Variants in CSMD1 observed in about 807,000 individuals in gnomAD.
The protein encoded by CSMD1 is CUB and sushi domain-containing protein 1.
Under a neutral mutation model 417.5 loss-of-function variants are expected in CSMD1, and 213 were observed. The ratio of observed to expected loss-of-function variants is 0.51; its 90% confidence interval spans 0.46 to 0.57. CSMD1 has a LOEUF of 0.57. Ranked by LOEUF, CSMD1 falls within the 20% of genes least tolerant of loss-of-function variation. The pLI is 0.00. For missense variants in CSMD1, 6,923 were observed against 4,529.7 expected, an observed-to-expected ratio of 1.53 and a Z score of -15.17; for synonymous variants, 2,862 against 1,736.8, an observed-to-expected ratio of 1.65 and a Z score of -16.11.
At chr8:4,912,652 G>C (rs1805772696) in intron 1 of CSMD1, among the ~76,000 whole-genome samples, 1 of 152,120 alleles carries the variant, frequency 6.6e-6, no homozygotes, top group African/African-American at 2.4e-5. Context: ...TGACATGTAG[G>C]TCAGGAACCA....
chr8:4,454,736 A>G (rs1488817155), intron 2 of CSMD1, among the ~76,000 whole-genome samples: 3 of 152,330 alleles, frequency 2.0e-5, no homozygotes, highest in South Asian at 2.1e-4. Context: ...GGATAAAACT[A>G]TACTCGTTTA....
chr8:3,919,979 G>A (rs1809114471), intron 5 of CSMD1, among the ~76,000 whole-genome samples: 1 of 151,210 alleles, frequency 6.6e-6, no homozygotes, highest in South Asian at 2.1e-4. Flanking sequence ...TGTGTAATCT[G>A]TGAATATACC....
intron 30 of CSMD1, among the ~76,000 whole-genome samples, chr8:3,210,293 G>T (rs1432018592): frequency 6.6e-6 from 1 of 152,006 alleles, no homozygotes; most frequent in East Asian, 1.9e-4. Flanking sequence ...CCTCCATTTG[G>T]GGAAATCAGT....
intron 37 of CSMD1, among the ~76,000 whole-genome samples, chr8:3,180,807 TA>T (rs1032523249): frequency 1.3e-5 from 2 of 151,804 alleles, no homozygotes; most frequent in African/African-American, 4.8e-5. Context: ...TTTTTTTTTG[TA>T]TTATTATTAT....
intron 3 of CSMD1, among the ~76,000 whole-genome samples, chr8:4,047,691 T>A (rs1347509523): frequency 6.6e-6 from 1 of 152,048 alleles, no homozygotes; most frequent in Non-Finnish European, 1.5e-5. Context: ...ATTAAAAAAA[T>A]AAAATTTGTA....
Position 3,553,707 on chromosome 8 carries a change from A to G in CSMD1, c.1344+21238T>C, listed in dbSNP as rs371009142. ...AATTTTAGTAGGTCCATAGTTACAA[A>G]TATTCTGAAGACATTAAAATATGTG... On this transcript the variant is annotated intron_variant, in intron 10 of 69. Transcript: ENST00000635120. 1.2e-4 allele frequency among the ~76,000 whole-genome samples: 19 copies of G among 152,368 alleles called. No homozygotes were observed. In the East Asian group the frequency reaches 2.7e-3, roughly 22 times the overall value.
intron 26 of CSMD1, among the ~76,000 whole-genome samples, chr8:3,240,401 T>C (rs1397955122): frequency 6.9e-6 from 1 of 144,598 alleles, no homozygotes; most frequent in Non-Finnish European, 1.5e-5. Flanking sequence ...AAGTCGAAAG[T>C]ATCCAACCAT....
chr8:3,018,382 G>A, intron 52 of CSMD1, 95 bp downstream of exon 52: 1 of 1,134,092 alleles, frequency 8.8e-7, no homozygotes, highest in East Asian at 2.5e-5. Context: ...TAGGATTTAA[G>A]GCATTATAGC....
At chr8:3,823,980 T>C (rs1801895842) in intron 5 of CSMD1, among the ~76,000 whole-genome samples, 1 of 152,220 alleles carries the variant, frequency 6.6e-6, no homozygotes, top group East Asian at 1.9e-4. Flanking sequence ...CAAATAGTTC[T>C]GAAACCTAAT....
At chr8:3,845,401 T>C (rs1461422535) in intron 5 of CSMD1, among the ~76,000 whole-genome samples, 1 of 152,160 alleles carries the variant, frequency 6.6e-6, no homozygotes, top group Admixed American at 6.5e-5. Flanking sequence ...CTGAAGGCAA[T>C]GGTTACACAG....
chr8:4,862,198 A>G (rs759575981), intron 1 of CSMD1, among the ~76,000 whole-genome samples: 8 of 152,010 alleles, frequency 5.3e-5, no homozygotes, highest in Non-Finnish European at 7.4e-5. Flanking sequence ...TTGAACCTCA[A>G]CGAGGCCTGG....
At chr8:3,345,446 G>C (rs1807927504) in intron 22 of CSMD1, among the ~76,000 whole-genome samples, 1 of 152,022 alleles carries the variant, frequency 6.6e-6, no homozygotes, top group African/African-American at 2.4e-5. Context: ...TCCCCTGTCA[G>C]TTCTCTAAAG....
chr8:3,675,243 C>T (rs1376892255), intron 7 of CSMD1, among the ~76,000 whole-genome samples: 1 of 152,168 alleles, frequency 6.6e-6, no homozygotes, highest in Non-Finnish European at 1.5e-5. Context: ...TGTTGGTCTT[C>T]ATTGACCTGG....
At chr8:3,917,187 G>A (rs1301290200) in intron 5 of CSMD1, among the ~76,000 whole-genome samples, 2 of 152,140 alleles carry the variant, frequency 1.3e-5, no homozygotes, top group African/African-American at 4.8e-5. Context: ...TTTATGGAGC[G>A]CTTAATCTCA....
At chr8:3,432,211 C>G (rs189025517) in intron 12 of CSMD1, among the ~76,000 whole-genome samples, 43 of 152,056 alleles carry the variant, frequency 2.8e-4, no homozygotes, top group Admixed American at 1.4e-3. Context: ...GGGTAGAGAA[C>G]TGAATATGAC....
At chr8:3,425,495 G>A (rs550381150) in intron 12 of CSMD1, among the ~76,000 whole-genome samples, 23 of 151,582 alleles carry the variant, frequency 1.5e-4, no homozygotes, top group African/African-American at 5.3e-4. Context: ...GGCTGAGGCA[G>A]GAGAACCGCT....
intron 1 of CSMD1, among the ~76,000 whole-genome samples, chr8:4,724,306 G>T (rs1315610976): frequency 5.9e-5 from 9 of 151,940 alleles, no homozygotes; most frequent in African/African-American, 1.9e-4. Flanking sequence ...TAAACATAGG[G>T]TTATCTATAT....
At chr8:4,340,782 G>GA (rs1447594928) in intron 3 of CSMD1, among the ~76,000 whole-genome samples, 1 of 152,012 alleles carries the variant, frequency 6.6e-6, no homozygotes, top group African/African-American at 2.4e-5. Context: ...AACTCATAAT[G>GA]GTTGCTTCTA....
intron 5 of CSMD1, among the ~76,000 whole-genome samples, chr8:3,926,140 G>C (rs1014710600): frequency 6.6e-5 from 8 of 121,150 alleles, no homozygotes; most frequent in African/African-American, 2.4e-4. Context: ...CACTTGTGGT[G>C]TGTATAGGTG....
Sources: allele counts gnomAD v4.1 joint callset (sites outside exome capture counted in the v4.1 genomes callset), GRCh38; gene constraint gnomAD v4.1.1; transcripts MANE v1.5; gene names NCBI Gene and HGNC (gene_info 2026-07-23, HGNC 2026-07-21).